PTPRD: variants seen among roughly 807,000 people sequenced by gnomAD.
PTPRD encodes the protein protein tyrosine phosphatase receptor type D, also known as receptor-type tyrosine-protein phosphatase delta.
Under a neutral mutation model 214.5 loss-of-function variants are expected in PTPRD, and 34 were observed. The ratio of observed to expected loss-of-function variants is 0.16; its 90% CI spans 0.12 to 0.21. The LOEUF (loss-of-function observed/expected upper bound fraction) is 0.21. Ranked by LOEUF, PTPRD falls within the 10% of genes least tolerant of loss-of-function variation. The pLI is 1.00. For missense variants in PTPRD, 2,545 were observed against 2,398.7 expected (o/e 1.06, Z -1.27); for synonymous variants, 1,128 against 845.7 (o/e 1.33, Z -5.79).
intron 11 of PTPRD, among the ~76,000 whole-genome samples, chr9:8,994,186 C>G (rs1393126022): frequency 6.6e-6 from 1 of 152,120 alleles, no homozygotes; most frequent in Non-Finnish European, 1.5e-5. Flanking sequence ...GTCTCCCTCC[C>G]TCAACCAACT....
intron 9 of PTPRD, among the ~76,000 whole-genome samples, chr9:9,242,866 T>G (rs1455584040): frequency 6.6e-6 from 1 of 152,176 alleles, no homozygotes; most frequent in African/African-American, 2.4e-5. Context: ...TGTCCAGCTA[T>G]GTTCCATTGC....
At chr9:10,111,094 T>C (rs760097429) in intron 3 of PTPRD, among the ~76,000 whole-genome samples, 1 of 152,092 alleles carries the variant, frequency 6.6e-6, no homozygotes, top group Non-Finnish European at 1.5e-5. Context: ...TTTTAACTTA[T>C]TTGTAAAAAG....
At chr9:8,842,897 A>G (rs747150175) in intron 11 of PTPRD, among the ~76,000 whole-genome samples, 9 of 152,184 alleles carry the variant, frequency 5.9e-5, no homozygotes, top group Non-Finnish European at 1.2e-4. Flanking sequence ...CCATCCTAAC[A>G]AAGACACACT....
At chr9:8,522,852 A>T (rs991198145) in intron 19 of PTPRD, among the ~76,000 whole-genome samples, 2 of 152,186 alleles carry the variant, frequency 1.3e-5, no homozygotes, top group African/African-American at 4.8e-5. Flanking sequence ...TTTTTTAAAA[A>T]TTATAAATAA....
At chr9:10,229,523 CA>C (rs1388765577) in intron 3 of PTPRD, among the ~76,000 whole-genome samples, 1 of 151,852 alleles carries the variant, frequency 6.6e-6, no homozygotes, top group African/African-American at 2.4e-5. Context: ...TATGCAGCCA[CA>C]AAAAATGATG....
At chr9:9,970,163 G>A (rs567933586) in intron 4 of PTPRD, among the ~76,000 whole-genome samples, 1 of 152,120 alleles carries the variant, frequency 6.6e-6, no homozygotes, top group South Asian at 2.1e-4. Flanking sequence ...TTTTAGTCAT[G>A]AGGTGTCACA....
At chr9:9,416,988 G>A (rs773708776) in intron 8 of PTPRD, among the ~76,000 whole-genome samples, 1 of 152,032 alleles carries the variant, frequency 6.6e-6, no homozygotes, top group Non-Finnish European at 1.5e-5. Flanking sequence ...TCTACTAACA[G>A]CTTATGTATA....
intron 2 of PTPRD, among the ~76,000 whole-genome samples, chr9:10,583,312 T>A (rs1330390605): frequency 6.6e-6 from 1 of 151,844 alleles, no homozygotes; most frequent in Non-Finnish European, 1.5e-5. Flanking sequence ...ATGGTATGCT[T>A]TTCTGTGTAT....
At chr9:10,248,691 G>C (rs1049361879) in intron 3 of PTPRD, among the ~76,000 whole-genome samples, 9 of 152,142 alleles carry the variant, frequency 5.9e-5, no homozygotes, top group Admixed American at 5.2e-4. Flanking sequence ...AGAGATGTGA[G>C]TTCTTTAGAA....
At chr9:10,493,450 C>G (rs113920213) in intron 2 of PTPRD, among the ~76,000 whole-genome samples, 2 of 152,042 alleles carry the variant, frequency 1.3e-5, no homozygotes, top group African/African-American at 2.4e-5. Flanking sequence ...TGCCACACAT[C>G]TACAACTATG....
At chr9:10,304,746 A>G (rs762614752) in intron 3 of PTPRD, among the ~76,000 whole-genome samples, 2 of 152,222 alleles carry the variant, frequency 1.3e-5, no homozygotes, top group South Asian at 2.1e-4. Flanking sequence ...CCACTGCTCA[A>G]GCAAATAAGA....
intron 4 of PTPRD, among the ~76,000 whole-genome samples, chr9:9,997,602 A>G (rs183695829): frequency 2.7e-4 from 41 of 152,282 alleles, no homozygotes; most frequent in African/African-American, 9.1e-4. Context: ...ATGCAATTTT[A>G]ATAAAGGAAT....
At chr9:10,086,359 C>A (rs1035145805) in intron 3 of PTPRD, among the ~76,000 whole-genome samples, 2 of 151,716 alleles carry the variant, frequency 1.3e-5, no homozygotes, top group East Asian at 3.9e-4. Flanking sequence ...AACAACCCAA[C>A]TATCCTCTCC....
intron 9 of PTPRD, among the ~76,000 whole-genome samples, chr9:9,250,885 T>A (rs1019018665): frequency 3.9e-5 from 6 of 152,144 alleles, no homozygotes. Flanking sequence ...TTTATTTGAA[T>A]TCTTTATCTT....
chr9:10,446,820 CT>C (rs1289588104), intron 2 of PTPRD, among the ~76,000 whole-genome samples: 1 of 152,084 alleles, frequency 6.6e-6, no homozygotes, highest in African/African-American at 2.4e-5. Context: ...AGAGTGATGA[CT>C]TTGAAAAGAA....
chr9:9,450,126 G>GTC (rs1219184310), intron 8 of PTPRD, among the ~76,000 whole-genome samples: 28 of 147,480 alleles, frequency 1.9e-4, no homozygotes, highest in African/African-American at 5.5e-4. Context: ...GTGTCTGTGT[G>GTC]TGTGTGTGTG....
At chr9:9,730,918 C>A (rs1041694770) in intron 7 of PTPRD, among the ~76,000 whole-genome samples, 30 of 152,104 alleles carry the variant, frequency 2.0e-4, no homozygotes, top group African/African-American at 6.8e-4. Flanking sequence ...GAGTGTACAT[C>A]ATTGTGCATA....
intron 14 of PTPRD, among the ~76,000 whole-genome samples, chr9:8,540,882 T>G (rs2078235812): frequency 6.6e-6 from 1 of 152,208 alleles, no homozygotes; most frequent in Admixed American, 6.5e-5. Context: ...TTTACCACAT[T>G]CAGTAACAGT....
Position 8,629,356 on chromosome 9 carries a change from G to C in PTPRD, c.352+3961C>G, listed in dbSNP as rs112351288. Among the ~76,000 whole-genome samples, 344 of 151,946 alleles carry C rather than the reference G, an allele frequency of 2.3e-3. 1 individual carries two copies. The highest frequency in any genetic ancestry group is 8.0e-3 in the African/African-American group (331 of 41,498). Reference sequence around the variant, plus strand: ...CTAGTGATTGATAACATCTATCAGAGAGAATATTTTCATCCTCAGTTATCA... The same window carrying C: ...CTAGTGATTGATAACATCTATCAGACAGAATATTTTCATCCTCAGTTATCA... On this transcript the variant is annotated intron_variant, in intron 14 of 45. Transcript: ENST00000381196.
Sources: allele counts gnomAD v4.1 joint callset (sites outside exome capture counted in the v4.1 genomes callset), GRCh38; gene constraint gnomAD v4.1.1; transcripts MANE v1.5; gene names NCBI Gene and HGNC (gene_info 2026-07-23, HGNC 2026-07-21).